Variants in LPP observed in about 807,000 individuals in gnomAD.
LPP encodes lipoma-preferred partner.
LPP carries 38 observed loss-of-function variants against 60.4 expected under a neutral mutation model. The ratio of observed to expected loss-of-function variants is 0.63; its 90% confidence interval spans 0.49 to 0.83. The LOEUF is 0.83. Among genes scored for constraint, LPP ranks in the 40% least tolerant of loss-of-function variants. LPP has a pLI of 0.00. For missense variants in LPP, 902 were observed against 783.6 expected, an observed-to-expected ratio of 1.15 and a Z score of -1.80; for synonymous variants, 328 against 290.8, an observed-to-expected ratio of 1.13 and a Z score of -1.30.
rs544131499 is a variant in LPP at position 188,512,924 on chromosome 3, A to G, written c.307-11741A>G. Among the ~76,000 whole-genome samples the G allele has an allele frequency of 7.9e-5, 12 of 152,336 alleles. No individual in the cohort carries two copies. The South Asian group carries it at 2.5e-3, about 32-fold the overall frequency. On this transcript the variant is annotated intron_variant, in intron 5 of 11. Coordinates refer to ENST00000617246, the MANE Select transcript of LPP (RefSeq NM_001375462.1). ...CCTTGAGGTTTTAAAAAACAAAATC[A>G]ATAGCAAAATTACCTGACAAGTTCT...
intron 7 of LPP, among the ~76,000 whole-genome samples, chr3:188,628,806 T>G (rs1230774042): frequency 6.6e-6 from 1 of 151,852 alleles, no homozygotes. Flanking sequence ...CAACCAAAAG[T>G]GAAAACTTCA....
rs144228368 is a variant in LPP at position 188,738,264 on chromosome 3, T to G, written c.1241-21849T>G. On this transcript the variant is annotated intron_variant, in intron 8 of 11. Transcript: ENST00000617246. Reference sequence around the variant, plus strand: ...GTAGACTCCTTTGCGAAAACAACAATAAACACAGTATTATTTATGGTGGAT... The same window carrying G: ...GTAGACTCCTTTGCGAAAACAACAAGAAACACAGTATTATTTATGGTGGAT... Among the ~76,000 whole-genome samples, 1,154 of 152,272 alleles carry G rather than the reference T, an allele frequency of 7.6e-3. 22 individuals carry two copies. The highest frequency in any genetic ancestry group is 0.026 in the African/African-American group (1,086 of 41,556).
intron 7 of LPP, among the ~76,000 whole-genome samples, chr3:188,697,864 T>C (rs191351519): frequency 6.8e-6 from 1 of 146,986 alleles, no homozygotes; most frequent in Admixed American, 6.6e-5. Context: ...TTATCAGATG[T>C]ACTATTTTCA....
At chr3:188,242,916 A>C (rs1438573209) in intron 2 of LPP, among the ~76,000 whole-genome samples, 1 of 152,222 alleles carries the variant, frequency 6.6e-6, no homozygotes, top group Non-Finnish European at 1.5e-5. Flanking sequence ...GAAAAATGAA[A>C]ACAAGGGCTG....
chr3:188,738,591 C>T (rs1723325251), intron 8 of LPP, among the ~76,000 whole-genome samples: 1 of 152,072 alleles, frequency 6.6e-6, no homozygotes, highest in South Asian at 2.1e-4. Context: ...CAATGGATCC[C>T]TATTTTCAAA....
At chr3:188,267,247 G>C (rs1443749517) in intron 2 of LPP, among the ~76,000 whole-genome samples, 1 of 152,078 alleles carries the variant, frequency 6.6e-6, no homozygotes, top group Admixed American at 6.6e-5. Flanking sequence ...AGCTGACCTC[G>C]CTCACTGCTG....
intron 1 of LPP, among the ~76,000 whole-genome samples, chr3:188,223,139 G>C (rs1042518158): frequency 1.3e-5 from 2 of 152,160 alleles, no homozygotes; most frequent in Non-Finnish European, 2.9e-5. Flanking sequence ...GGCACTACTA[G>C]GTGATTCCTA....
chr3:188,297,275 T>C (rs1477164046), intron 2 of LPP, among the ~76,000 whole-genome samples: 2 of 152,112 alleles, frequency 1.3e-5, no homozygotes, highest in Non-Finnish European at 2.9e-5. Context: ...ACTTCGGAAA[T>C]AACAACCACC....
chr3:188,157,003 G>T (rs768139896), intron 1 of LPP, among the ~76,000 whole-genome samples: 12 of 152,142 alleles, frequency 7.9e-5, no homozygotes, highest in African/African-American at 2.4e-4. Flanking sequence ...CGAATCAATT[G>T]TAAAACACAC....
chr3:188,579,518 A>T (rs1329076387), intron 6 of LPP, among the ~76,000 whole-genome samples: 2 of 152,240 alleles, frequency 1.3e-5, no homozygotes. Context: ...CATGTTCATC[A>T]TGTTTCTGTG....
At chr3:188,835,018 C>T (rs1758052766) in intron 9 of LPP, among the ~76,000 whole-genome samples, 1 of 152,160 alleles carries the variant, frequency 6.6e-6, no homozygotes, top group South Asian at 2.1e-4. Context: ...GTAACTTCTA[C>T]CTAGTAGTGT....
intron 2 of LPP, among the ~76,000 whole-genome samples, chr3:188,247,964 T>C (rs1727612577): frequency 6.6e-6 from 1 of 152,190 alleles, no homozygotes; most frequent in Non-Finnish European, 1.5e-5. Context: ...AGAGGAACTT[T>C]ATGCTACAAT....
chr3:188,406,346 G>C, intron 4 of LPP, 33 bp downstream of exon 4: 1 of 1,586,628 alleles, frequency 6.3e-7, no homozygotes, highest in Non-Finnish European at 8.6e-7. Flanking sequence ...TGGTTACTTG[G>C]AGTAGGAAAA....
intron 4 of LPP, among the ~76,000 whole-genome samples, chr3:188,417,670 A>C (rs1488601400): frequency 3.3e-5 from 5 of 152,132 alleles, no homozygotes; most frequent in Admixed American, 3.3e-4. Flanking sequence ...AAGAAATATG[A>C]TCTTATACCA....
At chr3:188,683,278 T>G (rs1204347824) in intron 7 of LPP, among the ~76,000 whole-genome samples, 1 of 152,122 alleles carries the variant, frequency 6.6e-6, no homozygotes, top group Non-Finnish European at 1.5e-5. Flanking sequence ...CTGTGGGCCA[T>G]GGACCTGGGC....
At chr3:188,359,140 T>C (rs1330691913) in intron 3 of LPP, among the ~76,000 whole-genome samples, 2 of 152,206 alleles carry the variant, frequency 1.3e-5, no homozygotes, top group Admixed American at 6.5e-5. Flanking sequence ...TCCAACAAGT[T>C]GTGTGCTTCT....
At chr3:188,415,025 A>G (rs1785824865) in intron 4 of LPP, among the ~76,000 whole-genome samples, 1 of 152,152 alleles carries the variant, frequency 6.6e-6, no homozygotes, top group South Asian at 2.1e-4. Context: ...TTAATTAACT[A>G]CTGAAATGAG....
At chr3:188,407,780 G>T (rs6444287) in intron 4 of LPP, among the ~76,000 whole-genome samples, 51,669 of 94,432 alleles carry the variant, frequency 0.55, 12,315 homozygotes, top group East Asian at 0.71. Flanking sequence ...TTTTTTTTTT[G>T]TTTGTTTGTT....
At chr3:188,733,597 C>G (rs1382947819) in intron 8 of LPP, among the ~76,000 whole-genome samples, 1 of 152,066 alleles carries the variant, frequency 6.6e-6, no homozygotes, top group Non-Finnish European at 1.5e-5. Context: ...ATTTTTGTTG[C>G]TACTGTGCAA....
Sources: gnomAD v4.1 joint callset for allele counts (sites outside exome capture counted in the v4.1 genomes callset) on GRCh38, gnomAD v4.1.1 for gene constraint, MANE v1.5 for transcripts, NCBI Gene and HGNC (gene_info 2026-07-23, HGNC 2026-07-21) for gene names.